XAF1: variants seen among roughly 807,000 people sequenced by gnomAD.
The protein encoded by XAF1 is XIAP-associated factor 1.
In XAF1, 32 loss-of-function variants were observed where a neutral mutation model predicts 32.3. That is an observed-to-expected ratio of 0.99 (90% CI 0.75 to 1.33). The LOEUF is 1.33. XAF1 is among the 40% of genes most tolerant of loss of function. XAF1 has a pLI of 0.00. For missense variants in XAF1, 379 were observed against 366.0 expected (o/e 1.04, Z -0.29); for synonymous variants, 120 against 125.9 (o/e 0.95, Z 0.31).
intron 4 of XAF1, among the ~76,000 whole-genome samples, chr17:6,761,041 C>A (rs1335583765): frequency 6.6e-6 from 1 of 152,104 alleles, no homozygotes; most frequent in Non-Finnish European, 1.5e-5. Flanking sequence ...GTAGTCCCAG[C>A]TACTTGGGAG....
rs962314993 is a variant in XAF1 at position 6,773,280 on chromosome 17, G to C, written c.*111G>C. On this transcript the variant is annotated 3_prime_UTR_variant, in exon 7 of 7. Transcript: ENST00000361842. ...AAAGGTGATGGGTTTTATTCGTTGG[G>C]CTTTAAAAGAAAAGGTTTGGCAGAA... 1.2e-5 allele frequency: 12 copies of C among 972,718 alleles called. No homozygotes were observed. The African/African-American group carries it at 2.1e-4, about 17-fold the overall frequency. 60.3% of individuals were successfully genotyped at this position (972,718 alleles called of 1,614,324 possible). A position where few individuals can be genotyped will look rare whatever the true frequency, so the allele number is the denominator to read the frequency against.
At chr17:6,771,489 G>C (rs1976031666) in intron 6 of XAF1, 1 of 152,316 alleles carries the variant, frequency 6.6e-6, no homozygotes, top group Non-Finnish European at 1.5e-5. Context: ...TTATGTCCTA[G>C]GTTATTTTCT....
intron 3 of XAF1, 43 bp from the exon 4 acceptor site, chr17:6,760,363 A>AT: frequency 6.7e-7 from 1 of 1,497,192 alleles, no homozygotes. Flanking sequence ...AAAAAAAAAA[A>AT]AAAAAGGGCC....
At chr17:6,756,284 T>TGG in intron 1 of XAF1, 174 bp downstream of exon 1, 5 of 845,812 alleles carry the variant, frequency 5.9e-6, no homozygotes, top group Non-Finnish European at 7.9e-6. Context: ...TGGTAATCTC[T>TGG]GGGTGGGGGT....
At chr17:6,767,565 A>G (rs1975706644) in intron 5 of XAF1, among the ~76,000 whole-genome samples, 2 of 152,244 alleles carry the variant, frequency 1.3e-5, no homozygotes, top group Admixed American at 6.5e-5. Context: ...TCTTTTTTCT[A>G]AAGTATGTTA....
upstream of XAF1, chr17:6,755,687 G>A: frequency 9.5e-7 from 1 of 1,051,864 alleles, no homozygotes; most frequent in South Asian, 3.4e-5. Context: ...AGGACCAGAA[G>A]GGAGCCGGAG....
At chr17:6,756,989 CTTCT>C (rs144754269) in intron 1 of XAF1, among the ~76,000 whole-genome samples, 9,903 of 136,930 alleles carry the variant, frequency 0.072, 918 homozygotes, top group African/African-American at 0.25. Context: ...TTTCTTTCTT[CTTCT>C]TTTTTTTTTT....
rs1975022982 is a variant in XAF1 at position 6,759,689 on chromosome 17, A to T, written c.196A>T (p.Met66Leu). 1.2e-6 allele frequency: 2 copies of T among 1,613,910 alleles called. No homozygotes were observed. Among genetic ancestry groups the T allele is most frequent in the Non-Finnish European group, 1.7e-6 (2 of 1,180,010 alleles). The change falls in exon 3 of 7, where the codon ATG becomes TTG. Residue 66 changes from methionine to leucine, a missense_variant. Met to Leu is a conservative substitution (Grantham distance 15). Coordinates refer to ENST00000361842, the MANE Select transcript of XAF1 (RefSeq NM_017523.5). ...TGGGTGTACGATGTGTCAGCAGAGCATGCAGAAGTCCTCGCTGGAGTTTCA... is the reference window on the plus strand; with the variant it reads ...TGGGTGTACGATGTGTCAGCAGAGCTTGCAGAAGTCCTCGCTGGAGTTTCA... ...QVGCTMCQQS[M>L]QKSSLEFHKA...
intron 5 of XAF1, among the ~76,000 whole-genome samples, chr17:6,769,613 G>T (rs1185091343): frequency 6.6e-6 from 1 of 152,084 alleles, no homozygotes; most frequent in African/African-American, 2.4e-5. Context: ...TTGCTTCCTT[G>T]TGTGTTTGTA....
chr17:6,772,421 T>C (rs1976105631), intron 6 of XAF1, among the ~76,000 whole-genome samples: 1 of 151,090 alleles, frequency 6.6e-6, no homozygotes, highest in Non-Finnish European at 1.5e-5. Context: ...TCCTGTTATA[T>C]ACATTTTTTC....
chr17:6,771,693 C>G (rs995234321), intron 6 of XAF1: 5 of 152,062 alleles, frequency 3.3e-5, no homozygotes, highest in Non-Finnish European at 7.4e-5. Context: ...GTATATAGCT[C>G]CAAAGTTTAT....
At chr17:6,767,736 A>ACTGCTACTGCTG (rs71383424) in intron 5 of XAF1, among the ~76,000 whole-genome samples, 12,013 of 151,422 alleles carry the variant, frequency 0.079, 1,497 homozygotes, top group African/African-American at 0.26. Context: ...GTTCATTACT[A>ACTGCTACTGCTG]CTGCTGCTGC....
intron 6 of XAF1, chr17:6,771,204 G>T: frequency 2.1e-6 from 1 of 476,856 alleles, no homozygotes; most frequent in Non-Finnish European, 3.7e-6. Context: ...ACTCAAGCCA[G>T]GTCTTTGAAG....
rs1170766863 is a variant in XAF1, at chr17:6,773,244, GT to G, written c.*76del. Reference sequence around the variant, plus strand: ...CTGGCATTCCTGCCTACTTGCTGTGGTGGTCTTGTGAAAGGTGATGGGTTTT... The same window carrying G: ...CTGGCATTCCTGCCTACTTGCTGTGGGGTCTTGTGAAAGGTGATGGGTTTT... On this transcript the variant is annotated 3_prime_UTR_variant, in exon 7 of 7. Coordinates refer to ENST00000361842, the MANE Select transcript of XAF1 (RefSeq NM_017523.5). The G allele has an allele frequency of 7.2e-7, 1 of 1,388,560 alleles. No homozygotes were observed. Among genetic ancestry groups the G allele is most frequent in the African/African-American group, 1.5e-5 (1 of 67,952 alleles). 86.0% of individuals were successfully genotyped at this position (1,388,560 alleles called of 1,614,324 possible).
intron 2 of XAF1, 33 bp from the exon 3 acceptor site, chr17:6,759,629 G>A: frequency 6.6e-7 from 1 of 1,511,924 alleles, no homozygotes; most frequent in East Asian, 2.4e-5. Flanking sequence ...ACCCACATCT[G>A]GTGTGTGTGT....
At chr17:6,770,551 G>A (rs1975941059) in intron 5 of XAF1, 92 bp from the exon 6 acceptor site, 3 of 1,063,680 alleles carry the variant, frequency 2.8e-6, no homozygotes, top group Non-Finnish European at 2.7e-6. Flanking sequence ...AGTGTTTACA[G>A]TGGGAATTTC....
intron 3 of XAF1, 89 bp downstream of exon 3, chr17:6,759,807 G>T: frequency 6.3e-7 from 1 of 1,599,364 alleles, no homozygotes. Flanking sequence ...CAGTAATAGA[G>T]ATTTCCACCT....
At position 6,760,488 on chromosome 17, in the gene XAF1, C is replaced by T; in HGVS notation, c.308C>T (p.Ser103Phe). Residue 103 changes from serine to phenylalanine, a missense_variant, in exon 4 of 7, where the codon TCC (serine) becomes TTC (phenylalanine). Physicochemically the swap from Ser to Phe is radical, Grantham distance 155. Coordinates refer to ENST00000361842, the MANE Select transcript of XAF1 (RefSeq NM_017523.5). ...MQLSKLELHE[S>F]YCGSRTELCQ... The stretch of plus-strand genomic sequence containing the variant: ...CTCAGCAAGCTGGAGCTCCACGAGT[C>T]CTACTGTGGCAGCCGGACAGAGCTC... 1 of 1,613,596 alleles carries T rather than the reference C, an allele frequency of 6.2e-7. No homozygotes were observed. Among genetic ancestry groups the T allele is most frequent in the Non-Finnish European group, 8.5e-7 (1 of 1,179,848 alleles).
chr17:6,766,976 T>A (rs1174205839), intron 5 of XAF1, among the ~76,000 whole-genome samples: 1 of 151,872 alleles, frequency 6.6e-6, no homozygotes, highest in African/African-American at 2.4e-5. Context: ...ATAGAACATA[T>A]CCCCAAATAG....
Sources: allele counts gnomAD v4.1 joint callset (sites outside exome capture counted in the v4.1 genomes callset), GRCh38; gene constraint gnomAD v4.1.1; transcripts MANE v1.5; gene names NCBI Gene and HGNC (gene_info 2026-07-23, HGNC 2026-07-21).